The following PDZRN3 variants were observed in gnomAD, a reference collection of about 807,000 sequenced individuals.
The protein encoded by PDZRN3 is PDZ domain containing ring finger 3, also known as E3 ubiquitin-protein ligase PDZRN3.
In PDZRN3, 38 loss-of-function variants were observed where a neutral mutation model predicts 85.7. That is an observed-to-expected ratio of 0.44 (90% CI 0.34 to 0.58). The LOEUF is 0.58. Ranked by LOEUF, PDZRN3 falls within the 20% of genes least tolerant of loss-of-function variation. The pLI, the probability that PDZRN3 is intolerant of heterozygous loss-of-function variation, is 0.01. For synonymous variants in PDZRN3, 759 were observed against 638.0 expected (o/e 1.19, Z -2.86); for missense variants, 1,629 against 1,506.4 (o/e 1.08, Z -1.35).
In PDZRN3 at chr3:73,579,517, G is replaced by C. The variant is rs139993834; in HGVS notation, c.918+22837C>G. ...ACTTTACACTGTTTTATTATTTACA[G>C]ATTCCAACAAACTTATTTTAAAAGT... is the stretch of plus-strand genomic sequence containing the variant. On this transcript the variant is annotated intron_variant, in intron 3 of 9. Transcript: ENST00000263666. Among the ~76,000 whole-genome samples, 27 of 152,312 alleles carry C rather than the reference G, an allele frequency of 1.8e-4. No individual in the cohort carries two copies. The East Asian group carries it at 4.4e-3, about 25-fold the overall frequency.
intron 3 of PDZRN3, among the ~76,000 whole-genome samples, chr3:73,600,543 A>T (rs1183770432): frequency 6.6e-6 from 1 of 152,180 alleles, no homozygotes; most frequent in Middle Eastern, 3.2e-3. Context: ...TATTGTGGTC[A>T]TCCTTCTTTC....
At chr3:73,589,616 A>T (rs903496510) in intron 3 of PDZRN3, among the ~76,000 whole-genome samples, 17 of 152,226 alleles carry the variant, frequency 1.1e-4, no homozygotes, top group Admixed American at 7.2e-4. Flanking sequence ...CTTACCTATA[A>T]ATAGGCTTCA....
chr3:73,505,943 T>G (rs1704062402), intron 3 of PDZRN3, among the ~76,000 whole-genome samples: 1 of 152,102 alleles, frequency 6.6e-6, no homozygotes, highest in Non-Finnish European at 1.5e-5. Flanking sequence ...TCAAGTGAAC[T>G]CATTTAAATA....
At chr3:73,603,250 T>C (rs994848396) in intron 2 of PDZRN3, among the ~76,000 whole-genome samples, 1 of 152,248 alleles carries the variant, frequency 6.6e-6, no homozygotes, top group Non-Finnish European at 1.5e-5. Flanking sequence ...CTAGTCCTAA[T>C]AAATTCTGAT....
At chr3:73,523,604 A>G (rs1704449763) in intron 3 of PDZRN3, among the ~76,000 whole-genome samples, 1 of 152,228 alleles carries the variant, frequency 6.6e-6, no homozygotes, top group Admixed American at 6.5e-5. Flanking sequence ...AAGGAATACT[A>G]TGAAAAAATA....
intron 3 of PDZRN3, among the ~76,000 whole-genome samples, chr3:73,519,100 C>T (rs927434104): frequency 7.2e-5 from 11 of 152,224 alleles, no homozygotes; most frequent in African/African-American, 2.2e-4. Context: ...AGACCCCAAC[C>T]TCACTTATCT....
intron 3 of PDZRN3, among the ~76,000 whole-genome samples, chr3:73,497,769 A>T (rs1186533935): frequency 6.6e-6 from 1 of 152,146 alleles, no homozygotes; most frequent in African/African-American, 2.4e-5. Flanking sequence ...ATAAGGGAGG[A>T]AAGAAAACTC....
intron 3 of PDZRN3, among the ~76,000 whole-genome samples, chr3:73,429,716 C>T (rs1050604497): frequency 5.3e-5 from 8 of 152,126 alleles, no homozygotes; most frequent in African/African-American, 1.9e-4. Context: ...ACTTCAAGTG[C>T]CATAAGAGGC....
chr3:73,460,722 T>A (rs7651810), intron 3 of PDZRN3, among the ~76,000 whole-genome samples: 7,502 of 152,250 alleles, frequency 0.049, 586 homozygotes, highest in African/African-American at 0.17. Flanking sequence ...TAATAATACT[T>A]ATTTTCATCT....
intron 3 of PDZRN3, among the ~76,000 whole-genome samples, chr3:73,512,788 CATG>C (rs1704191558): frequency 6.6e-6 from 1 of 152,126 alleles, no homozygotes. Context: ...CATTCTTGAA[CATG>C]ATGAGCCCTT....
At chr3:73,440,058 A>G (rs1442652649) in intron 3 of PDZRN3, among the ~76,000 whole-genome samples, 1 of 151,894 alleles carries the variant, frequency 6.6e-6, no homozygotes, top group Non-Finnish European at 1.5e-5. Context: ...TTTTTGAATG[A>G]AAAAATATTT....
At position 73,590,240 on chromosome 3, in the gene PDZRN3, G is replaced by A. The variant is rs368300017; in HGVS notation, c.918+12114C>T. 3.8e-5 allele frequency among the ~76,000 whole-genome samples: 5 copies of A among 131,944 alleles called. 1 individual carries two copies. Among genetic ancestry groups the A allele is most frequent in the African/African-American group, 1.4e-4 (5 of 35,178 alleles). 86.6% of individuals were successfully genotyped at this position (131,944 alleles called of 152,430 possible). ...GCTGAGATCGCACCACTGCACTCCA[G>A]CCTGGGTGACAAAGCAAGACTCTGT... On this transcript the variant is annotated intron_variant, in intron 3 of 9. Transcript: ENST00000263666.
chr3:73,398,462 C>G (rs1559656208), intron 5 of PDZRN3, among the ~76,000 whole-genome samples: 1 of 152,170 alleles, frequency 6.6e-6, no homozygotes. Flanking sequence ...AGTGCAGATT[C>G]TGATTCTGAA....
intron 3 of PDZRN3, among the ~76,000 whole-genome samples, chr3:73,420,070 T>G (rs985495548): frequency 6.6e-6 from 1 of 152,182 alleles, no homozygotes; most frequent in Non-Finnish European, 1.5e-5. Flanking sequence ...CTTAGAAACA[T>G]GGCCCTCTCT....
chr3:73,533,395 T>C (rs945459901), intron 3 of PDZRN3, among the ~76,000 whole-genome samples: 1 of 152,184 alleles, frequency 6.6e-6, no homozygotes, highest in African/African-American at 2.4e-5. Flanking sequence ...CTCAAATCTT[T>C]TCAAAAACAA....
chr3:73,397,677 A>G (rs780044732), intron 5 of PDZRN3, among the ~76,000 whole-genome samples: 32 of 152,286 alleles, frequency 2.1e-4, no homozygotes, highest in Admixed American at 5.9e-4. Context: ...GCCTTAGCTG[A>G]TATGTTCCTA....
At chr3:73,497,813 C>A (rs1002614778) in intron 3 of PDZRN3, among the ~76,000 whole-genome samples, 3 of 152,060 alleles carry the variant, frequency 2.0e-5, no homozygotes, top group South Asian at 2.1e-4. Context: ...CCGTCCCCGC[C>A]CCCGCCAACA....
At chr3:73,602,292 G>T in intron 3 of PDZRN3, 62 bp downstream of exon 3, 1 of 898,038 alleles carries the variant, frequency 1.1e-6, no homozygotes, top group South Asian at 1.4e-5. Flanking sequence ...ATCTTGCTTT[G>T]AGCTAGACGA....
intron 3 of PDZRN3, chr3:73,474,415 T>C: frequency 8.9e-7 from 1 of 1,124,438 alleles, no homozygotes; most frequent in Non-Finnish European, 1.2e-6. Context: ...ATCTTATAAT[T>C]ATCTTATTCA....
Sources: allele counts gnomAD v4.1 joint callset (sites outside exome capture counted in the v4.1 genomes callset), GRCh38; gene constraint gnomAD v4.1.1; transcripts MANE v1.5; gene names NCBI Gene and HGNC (gene_info 2026-07-23, HGNC 2026-07-21).